The following TGFBR3L variants were observed in gnomAD, a reference collection of about 807,000 sequenced individuals.
The protein encoded by TGFBR3L is transforming growth factor beta receptor 3 like.
In TGFBR3L, 21 loss-of-function variants were observed where a neutral mutation model predicts 20.4. The ratio of observed to expected loss-of-function variants is 1.03; its 90% confidence interval spans 0.73 to 1.48. The LOEUF is 1.48. TGFBR3L is among the 40% of genes most tolerant of loss of function. The pLI is 0.00. For missense variants in TGFBR3L, 479 were observed against 498.0 expected, an observed-to-expected ratio of 0.96 and a Z score of 0.36; for synonymous variants, 245 against 244.2, an observed-to-expected ratio of 1.00 and a Z score of -0.03.
Position 7,916,794 on chromosome 19 carries a change from GC to G in TGFBR3L, c.453del (p.Ala152ArgfsTer22), listed in dbSNP as rs1198267010. On this transcript the variant is annotated frameshift_variant, in exon 2 of 6. Transcript: ENST00000565886. LOFTEE classifies it high-confidence loss of function. ...CCGCCGCCGAGCCCGGGTGCCGCCC[GC>G]CCCGCGCGTTTCAGCTTCCGCCTGC... The G allele has an allele frequency of 5.4e-6, 8 of 1,487,218 alleles. No individual in the cohort carries two copies. Among genetic ancestry groups the G allele is most frequent in the Admixed American group, 2.2e-5 (1 of 45,988 alleles). The allele number at this position is 1,487,218 out of a possible 1,614,324, so 92.1% of individuals were successfully genotyped here.
At position 7,917,146 on chromosome 19, in the gene TGFBR3L, C is replaced by G. The variant is rs964029733; in HGVS notation, c.597+204C>G. The stretch of plus-strand genomic sequence containing the variant: ...GTTCCCCCATGGACAGCTCTGGAAT[C>G]CTTCAGGGCTGGGGGTTGGATGCAG... On this transcript the variant is annotated intron_variant, in intron 2 of 5. Transcript: ENST00000565886. The G allele has an allele frequency of 1.3e-4, 116 of 925,162 alleles. 1 individual carries two copies. The highest frequency in any genetic ancestry group is 1.6e-4 in the Non-Finnish European group (112 of 679,842). The allele number at this position is 925,162 out of a possible 1,614,324, so 57.3% of individuals were successfully genotyped here.
chr19:7,916,619 C>T lies in TGFBR3L; in HGVS notation c.277-3C>T. 7.0e-7 allele frequency: 1 copy of T among 1,427,238 alleles called. No individual in the cohort carries two copies. The highest frequency in any genetic ancestry group is 9.1e-7 in the Non-Finnish European group (1 of 1,099,820). The allele number at this position is 1,427,238 out of a possible 1,614,324, so 88.4% of individuals were successfully genotyped here. ...GATCCCTGATGGCGCCTCCGTCCCCCAGGCGGCCTTGGCCCGTCCCTCCCC... is the reference window on the plus strand; with the variant it reads ...GATCCCTGATGGCGCCTCCGTCCCCTAGGCGGCCTTGGCCCGTCCCTCCCC... On this transcript the variant is annotated splice_polypyrimidine_tract_variant and splice_region_variant and intron_variant, in intron 1 of 5. Coordinates refer to ENST00000565886, the MANE Select transcript of TGFBR3L (RefSeq NM_001195259.2).
At position 7,918,115 on chromosome 19, in the gene TGFBR3L, G is replaced by T. The variant is rs1332289843; in HGVS notation, c.942G>T (p.Arg314Ser). The T allele has an allele frequency of 6.5e-7, 1 of 1,535,274 alleles. No individual in the cohort carries two copies. The highest frequency in any genetic ancestry group is 2.0e-5 in the Admixed American group (1 of 51,002). The change falls in exon 5 of 6, where the codon AGG (arginine) becomes AGT (serine). Residue 314 changes from arginine to serine, a missense_variant. By Grantham distance (110) the Arg-to-Ser change is moderately radical (BLOSUM62 -1). Coordinates refer to ENST00000565886, the MANE Select transcript of TGFBR3L (RefSeq NM_001195259.2). ...CGCCCAGCGGTCCCCAGCCCAGGAG[G>T]TCCCAGTGAGGAAGGTAGGTATGGA...
chr19:7,917,516 G>C lies in TGFBR3L; in HGVS notation c.641G>C (p.Ser214Thr), dbSNP rs1416095006. Reference sequence around the variant, plus strand: ...GCGTGCGCCGACACTGGCAGTGGCAGCGCCGAGGGCCTGGCTGCTGACGGC... The same window carrying C: ...GCGTGCGCCGACACTGGCAGTGGCACCGCCGAGGGCCTGGCTGCTGACGGC... The change falls in exon 3 of 6, where the codon AGC (serine) becomes ACC (threonine). Residue 214 changes from serine to threonine, a missense_variant. Coordinates refer to ENST00000565886, the MANE Select transcript of TGFBR3L (RefSeq NM_001195259.2). 1.4e-5 allele frequency: 22 copies of C among 1,524,890 alleles called. No individual in the cohort carries two copies. The East Asian group carries it at 5.4e-4, about 37-fold the overall frequency. The allele number at this position is 1,524,890 out of a possible 1,614,324, so 94.5% of individuals were successfully genotyped here.
Position 7,914,896 on chromosome 19 carries a change from A to G in TGFBR3L, c.-1372A>G, listed in dbSNP as rs2145152610. On this transcript the variant is annotated 5_prime_UTR_variant, in exon 1 of 6. Coordinates refer to ENST00000565886, the MANE Select transcript of TGFBR3L (RefSeq NM_001195259.2). ...GCTGCTGCTGGCCCTGCTCCCAGGG[A>G]TCACCACCTTACCCAGCGGGCCACC... is the stretch of plus-strand genomic sequence containing the variant. Among the ~76,000 whole-genome samples the G allele has an allele frequency of 6.6e-6, 1 of 152,274 alleles. No homozygotes were observed. The highest frequency in any genetic ancestry group is 1.9e-4 in the East Asian group (1 of 5,180).
Position 7,916,153 on chromosome 19 carries a change from A to G in TGFBR3L, c.-115A>G. The G allele has an allele frequency of 7.0e-7, 1 of 1,436,360 alleles. No individual in the cohort carries two copies. The highest frequency in any genetic ancestry group is 1.5e-5 in the South Asian group (1 of 67,512). 89.0% of individuals were successfully genotyped at this position (1,436,360 alleles called of 1,614,324 possible). On this transcript the variant is annotated 5_prime_UTR_variant, in exon 1 of 6. Transcript: ENST00000565886. ...CCAGGGAGGGCTTCGCCAGCTTCGG[A>G]GGCTTCTCTAGGGGCGCATGGCTCT...
chr19:7,916,167 G>C lies in TGFBR3L; in HGVS notation c.-101G>C. On this transcript the variant is annotated 5_prime_UTR_variant, in exon 1 of 6. Transcript: ENST00000565886. ...GCCAGCTTCGGAGGCTTCTCTAGGG[G>C]CGCATGGCTCTGCAACCGGCTCAGT... is the stretch of plus-strand genomic sequence containing the variant. 6.8e-7 allele frequency: 1 copy of C among 1,460,378 alleles called. No individual in the cohort carries two copies. Among genetic ancestry groups the C allele is most frequent in the South Asian group, 1.4e-5 (1 of 71,694 alleles). The allele number at this position is 1,460,378 out of a possible 1,614,324, so 90.5% of individuals were successfully genotyped here. A position where few individuals can be genotyped will look rare whatever the true frequency, so the allele number is the denominator to read the frequency against.
rs1050896740 is a variant in TGFBR3L, at chr19:7,919,047, C to A, written c.*136C>A. On this transcript the variant is annotated 3_prime_UTR_variant, in exon 6 of 6. Transcript: ENST00000565886. ...CACGACCCCTGCGCTTCTCTCCTCC[C>A]CCTGTCCCTCCCACCTGTGCTCAAA... is the stretch of plus-strand genomic sequence containing the variant. The A allele has an allele frequency of 7.5e-6, 3 of 398,778 alleles. No homozygotes were observed. Among genetic ancestry groups the A allele is most frequent in the Non-Finnish European group, 1.3e-5 (3 of 226,228 alleles). 24.7% of individuals were successfully genotyped at this position (398,778 alleles called of 1,614,324 possible).
chr19:7,918,733 G>A lies in TGFBR3L; in HGVS notation c.*6-184G>A, dbSNP rs1031730810. ...AGTGGGTCACCCGCGGCAGGCGCGG[G>A]CTTTGGGTCGAGCCAGGGGCATTAG... On this transcript the variant is annotated intron_variant, in intron 5 of 5. Transcript: ENST00000565886. 1.3e-4 allele frequency: 50 copies of A among 396,016 alleles called. No homozygotes were observed. The East Asian group carries it at 1.6e-3, about 13-fold the overall frequency. 24.5% of individuals were successfully genotyped at this position (396,016 alleles called of 1,614,324 possible).
At position 7,917,754 on chromosome 19, in the gene TGFBR3L, G is replaced by GC; in HGVS notation, c.783dup (p.Ala262ArgfsTer91). The GC allele has an allele frequency of 1.4e-6, 2 of 1,435,628 alleles. No individual in the cohort carries two copies. Among genetic ancestry groups the GC allele is most frequent in the African/African-American group, 1.5e-5 (1 of 66,952 alleles). 88.9% of individuals were successfully genotyped at this position (1,435,628 alleles called of 1,614,324 possible). ...AGTGCGCCCTGAGCCTCCCGCGCCG[G>GC]CCCCCGCGGCCCTGGAACCCGCGCC... On this transcript the variant is annotated frameshift_variant, in exon 4 of 6. Coordinates refer to ENST00000565886, the MANE Select transcript of TGFBR3L (RefSeq NM_001195259.2). LOFTEE classifies it high-confidence loss of function.
chr19:7,918,099 G>C lies in TGFBR3L; in HGVS notation c.926G>C (p.Gly309Ala), dbSNP rs1205433763. 6.5e-7 allele frequency: 1 copy of C among 1,535,012 alleles called. No individual in the cohort carries two copies. The highest frequency in any genetic ancestry group is 8.7e-7 in the Non-Finnish European group (1 of 1,146,220). ...CCGCCCGCGAGAGCCTCGCCCAGCG[G>C]TCCCCAGCCCAGGAGGTCCCAGTGA... Residue 309 changes from glycine (G) to alanine (A), a missense_variant, in exon 5 of 6, where the codon GGT (glycine) becomes GCT (alanine). Gly to Ala is a moderately conservative substitution (Grantham distance 60, BLOSUM62 0). Coordinates refer to ENST00000565886, the MANE Select transcript of TGFBR3L (RefSeq NM_001195259.2).
At chr19:7,917,910 G>A (rs1983388190) in intron 4 of TGFBR3L, 51 bp downstream of exon 5, 2 of 1,380,322 alleles carry the variant, frequency 1.4e-6, no homozygotes, top group Admixed American at 6.9e-5. Context: ...CCGCGCGTCG[G>A]GACCCGGGGC....
chr19:7,918,912 C>T lies in TGFBR3L; in HGVS notation c.*6-5C>T, dbSNP rs1054696814. On this transcript the variant is annotated splice_region_variant and splice_polypyrimidine_tract_variant and intron_variant, in intron 5 of 5. Transcript: ENST00000565886. ...CCCTCGCTGAGCCTCAGCCACCCCT[C>T]CCAGGGATGGTGCGCCCCCAACATG... 1 of 398,528 alleles carries T rather than the reference C, an allele frequency of 2.5e-6. No individual in the cohort carries two copies. Among genetic ancestry groups the T allele is most frequent in the African/African-American group, 2.1e-5 (1 of 48,626 alleles). 24.7% of individuals were successfully genotyped at this position (398,528 alleles called of 1,614,324 possible). A position where few individuals can be genotyped will look rare whatever the true frequency, so the allele number is the denominator to read the frequency against.
chr19:7,916,378 C>T lies in TGFBR3L; in HGVS notation c.111C>T (p.Ser37=), dbSNP rs1431025103. The change falls in exon 1 of 6, where the codon TCC becomes TCT. Residue 37 remains serine (S), a synonymous_variant. Transcript: ENST00000565886. ...TAAAGGGCAGCGCGCGTTTTCTCTCCTTTGGGCCGCCCTTCCCCGCCCCGC... is the reference window on the plus strand; with the variant it reads ...TAAAGGGCAGCGCGCGTTTTCTCTCTTTTGGGCCGCCCTTCCCCGCCCCGC... 2.0e-6 allele frequency: 3 copies of T among 1,535,386 alleles called. No homozygotes were observed. The highest frequency in any genetic ancestry group is 2.7e-5 in the African/African-American group (2 of 73,052).
At position 7,916,257 on chromosome 19, in the gene TGFBR3L, C is replaced by A. The variant is rs1361704013; in HGVS notation, c.-11C>A. 1 of 1,531,072 alleles carries A rather than the reference C, an allele frequency of 6.5e-7. No homozygotes were observed. The highest frequency in any genetic ancestry group is 1.2e-5 in the South Asian group (1 of 83,672). 94.8% of individuals were successfully genotyped at this position (1,531,072 alleles called of 1,614,324 possible). A position where few individuals can be genotyped will look rare whatever the true frequency, so the allele number is the denominator to read the frequency against. On this transcript the variant is annotated 5_prime_UTR_variant, in exon 1 of 6. Transcript: ENST00000565886. ...ATCACCGTCAGGGGGGAAAGTGGCG[C>A]GGAGCCCATCATGGGTGAATCGGCC...
In TGFBR3L at chr19:7,916,049, C is replaced by G. The variant is rs1330944030; in HGVS notation, c.-219C>G. 6 of 835,166 alleles carry G rather than the reference C, an allele frequency of 7.2e-6. No individual in the cohort carries two copies. Among genetic ancestry groups the G allele is most frequent in the Admixed American group, 6.0e-5 (2 of 33,424 alleles). The allele number at this position is 835,166 out of a possible 1,614,324, so 51.7% of individuals were successfully genotyped here. A position where few individuals can be genotyped will look rare whatever the true frequency, so the allele number is the denominator to read the frequency against. On this transcript the variant is annotated 5_prime_UTR_variant, in exon 1 of 6. Coordinates refer to ENST00000565886, the MANE Select transcript of TGFBR3L (RefSeq NM_001195259.2). ...TGTCCTGCTGCGTCCCCAAGAGCAG[C>G]CCTGGGGAAGGTGGGGGAGCTCTGA...
At position 7,916,319 on chromosome 19, in the gene TGFBR3L, G is replaced by A. The variant is rs757805302; in HGVS notation, c.52G>A (p.Gly18Arg). The A allele has an allele frequency of 1.6e-5, 25 of 1,535,478 alleles. No individual in the cohort carries two copies. The highest frequency in any genetic ancestry group is 8.3e-5 in the South Asian group (7 of 84,058). The stretch of plus-strand genomic sequence containing the variant: ...ATCCCTTTTCCAAAGGCGGCGGCGG[G>A]GGCGAGGTGGTCGGGTCACTTTTCC... Residue 18 changes from glycine to arginine, a missense_variant, in exon 1 of 6, where the codon GGG (glycine) becomes AGG (arginine). By Grantham distance (125) the Gly-to-Arg change is moderately radical. Coordinates refer to ENST00000565886, the MANE Select transcript of TGFBR3L (RefSeq NM_001195259.2).
In TGFBR3L at chr19:7,916,521, C is replaced by T. The variant is rs1983306297; in HGVS notation, c.254C>T (p.Ala85Val). Residue 85 changes from alanine (A) to valine (V), a missense_variant, in exon 1 of 6, where the codon GCC (alanine) becomes GTC (valine). Transcript: ENST00000565886. Reference sequence around the variant, plus strand: ...CGCGCGGGGCCGCTCGAGGTCCCGGCCGACAGCCGCGTGTTCGTGCAGGTG... The same window carrying T: ...CGCGCGGGGCCGCTCGAGGTCCCGGTCGACAGCCGCGTGTTCGTGCAGGTG... 8 of 1,506,562 alleles carry T rather than the reference C, an allele frequency of 5.3e-6. No homozygotes were observed. The highest frequency in any genetic ancestry group is 5.3e-6 in the Non-Finnish European group (6 of 1,130,142). The allele number at this position is 1,506,562 out of a possible 1,614,324, so 93.3% of individuals were successfully genotyped here. A position where few individuals can be genotyped will look rare whatever the true frequency, so the allele number is the denominator to read the frequency against.
At chr19:7,917,941 G>C (rs1983390643) in intron 4 of TGFBR3L, 82 bp downstream of exon 5, 2 of 1,398,264 alleles carry the variant, frequency 1.4e-6, no homozygotes, top group South Asian at 1.6e-5. Context: ...CCGCCTGCGG[G>C]GCCTGATCAA....
Sources: allele counts gnomAD v4.1 joint callset (sites outside exome capture counted in the v4.1 genomes callset), GRCh38; gene constraint gnomAD v4.1.1; transcripts MANE v1.5; gene names NCBI Gene and HGNC (gene_info 2026-07-23, HGNC 2026-07-21).